Variants in MYLK observed in about 807,000 individuals in gnomAD.
MYLK encodes the protein myosin light chain kinase, smooth muscle.
MYLK carries 106 observed loss-of-function variants against 203.4 expected under a neutral mutation model. The observed-to-expected ratio is 0.52, with a 90% CI of 0.45 to 0.61. The LOEUF is 0.61. MYLK is among the 20% of genes least tolerant of loss of function. The probability of loss-of-function intolerance (pLI) is 0.00; values close to 1 mark genes in which losing one functional copy is unlikely to be tolerated. For missense variants in MYLK, 2,072 were observed against 2,442.3 expected (o/e 0.85, Z 3.20); for synonymous variants, 867 against 959.5 (o/e 0.90, Z 1.78).
chr3:123,883,273 C>T (rs2033658155), intron 1 of MYLK, among the ~76,000 whole-genome samples: 1 of 152,048 alleles, frequency 6.6e-6, no homozygotes, highest in African/African-American at 2.4e-5. Context: ...TAAAAACCAA[C>T]GGCCTGAGGT....
intron 31 of MYLK, chr3:123,623,542 A>G (rs556516609): frequency 1.8e-4 from 27 of 152,328 alleles, no homozygotes; most frequent in African/African-American, 6.5e-4. Flanking sequence ...ATTTGTTCCC[A>G]TGTCACTTCA....
intron 4 of MYLK, among the ~76,000 whole-genome samples, chr3:123,761,428 G>T (rs1218259103): frequency 6.6e-6 from 1 of 152,192 alleles, no homozygotes; most frequent in Non-Finnish European, 1.5e-5. Context: ...CCCAGGTGGC[G>T]GCTCTGAGGG....
At chr3:123,726,209 C>T in intron 11 of MYLK, 131 bp from the exon 12 acceptor site, 1 of 1,137,188 alleles carries the variant, frequency 8.8e-7, no homozygotes, top group Middle Eastern at 2.3e-4. Context: ...CTGCCTTTGG[C>T]TTCTCTCTCT....
At chr3:123,811,345 T>G (rs2065553424) in intron 3 of MYLK, among the ~76,000 whole-genome samples, 1 of 152,204 alleles carries the variant, frequency 6.6e-6, no homozygotes, top group Admixed American at 6.5e-5. Context: ...AGCTATTAGC[T>G]GCACTCATAC....
At chr3:123,684,169 C>T (rs114107773) in intron 19 of MYLK, among the ~76,000 whole-genome samples, 9,083 of 152,244 alleles carry the variant, frequency 0.06, 891 homozygotes, top group African/African-American at 0.2. Flanking sequence ...ATCTCAGCCT[C>T]AGCTGTATGT....
intron 1 of MYLK, among the ~76,000 whole-genome samples, chr3:123,879,183 T>C (rs73857541): frequency 2.7e-4 from 41 of 152,340 alleles, no homozygotes; most frequent in East Asian, 9.6e-4. Flanking sequence ...GGCCACCCAA[T>C]TGCCTCTTAA....
chr3:123,800,646 T>C (rs935029782), intron 3 of MYLK, among the ~76,000 whole-genome samples: 2 of 152,160 alleles, frequency 1.3e-5, no homozygotes, highest in Non-Finnish European at 2.9e-5. Context: ...CCAGACCTTT[T>C]CCTCCAGCAA....
At chr3:123,817,050 T>TAA (rs2065772985) in intron 3 of MYLK, among the ~76,000 whole-genome samples, 1 of 152,190 alleles carries the variant, frequency 6.6e-6, no homozygotes, top group South Asian at 2.1e-4. Flanking sequence ...ATTGGGTAAT[T>TAA]AAAGCTTCTT....
chr3:123,626,388 G>A (rs34044159), intron 31 of MYLK, among the ~76,000 whole-genome samples: 26,489 of 152,086 alleles, frequency 0.17, 5,511 homozygotes, highest in African/African-American at 0.47. Flanking sequence ...CTAGATGGTG[G>A]GACCATGTCT....
chr3:123,681,836 T>G (rs538053633), intron 20 of MYLK: 2 of 298,746 alleles, frequency 6.7e-6, no homozygotes, highest in Non-Finnish European at 1.3e-5. Context: ...CCAGGAGTGA[T>G]GAGATCAGAG....
At chr3:123,746,785 AT>A (rs1282046061) in intron 5 of MYLK, among the ~76,000 whole-genome samples, 6 of 132,162 alleles carry the variant, frequency 4.5e-5, no homozygotes, top group African/African-American at 1.6e-4. Flanking sequence ...AACTCAGAGC[AT>A]TTTAAGATTC....
chr3:123,678,027 A>C (rs2060135262), intron 20 of MYLK, among the ~76,000 whole-genome samples: 1 of 151,178 alleles, frequency 6.6e-6, no homozygotes, highest in Admixed American at 6.6e-5. Context: ...ACTAGCTGTG[A>C]GACCCTGGAC....
chr3:123,745,824 T>C (rs2062996072), intron 5 of MYLK, among the ~76,000 whole-genome samples: 1 of 152,158 alleles, frequency 6.6e-6, no homozygotes, highest in South Asian at 2.1e-4. Flanking sequence ...GAAAAACATT[T>C]AAAATACTTA....
rs1449454753 is a variant in MYLK at position 123,700,430 on chromosome 3, G to A, written c.3038C>T (p.Pro1013Leu). 2 of 1,611,378 alleles carry A rather than the reference G, an allele frequency of 1.2e-6. No homozygotes were observed. Among genetic ancestry groups the A allele is most frequent in the East Asian group, 2.2e-5 (1 of 44,718 alleles). ...CCCTGAAGGCTGTGCATTGCTCAGG[G>A]GCTTGGAACTCTCCACTGCCTTGGC... Reference protein sequence around the residue: ...LNAKAVESSKPLSNAQPSGPL... With the variant: ...LNAKAVESSKLLSNAQPSGPL... Residue 1013 changes from proline (P) to leucine (L), a missense_variant, in exon 18 of 34, where the codon CCC becomes CTC. Physicochemically the swap from Pro to Leu is moderately conservative, Grantham distance 98 (BLOSUM62 -3). Coordinates refer to ENST00000360304, the MANE Select transcript of MYLK (RefSeq NM_053025.4).
In MYLK at chr3:123,722,260, G is replaced by A. The variant is rs1272395846; in HGVS notation, c.1672C>T (p.Arg558Cys). 29 of 1,569,544 alleles carry A rather than the reference G, an allele frequency of 1.8e-5. No individual in the cohort carries two copies. Among genetic ancestry groups the A allele is most frequent in the Admixed American group, 7.4e-5 (4 of 53,958 alleles). ...LLNGQPIQYA[R>C]STCEAGVAEL... is the part of the protein sequence containing the mutation. ...GCCACGCCGGCCTCGCAGGTGGAGCGAGCGTACTGGATGGGCTGCCCTGTG... is the reference window on the plus strand; with the variant it reads ...GCCACGCCGGCCTCGCAGGTGGAGCAAGCGTACTGGATGGGCTGCCCTGTG... Residue 558 changes from arginine (R) to cysteine (C), a missense_variant, in exon 13 of 34, where the codon CGC (arginine) becomes TGC (cysteine). Arg to Cys is a radical substitution (Grantham distance 180, BLOSUM62 -3). Coordinates refer to ENST00000360304, the MANE Select transcript of MYLK (RefSeq NM_053025.4).
intron 4 of MYLK, among the ~76,000 whole-genome samples, chr3:123,767,365 G>T (rs1413902006): frequency 1.3e-5 from 2 of 152,220 alleles, no homozygotes; most frequent in Non-Finnish European, 2.9e-5. Context: ...CCAGCACTTT[G>T]GGAGGCCGAG....
At chr3:123,664,984 C>T (rs923919316) in intron 22 of MYLK, among the ~76,000 whole-genome samples, 2 of 152,096 alleles carry the variant, frequency 1.3e-5, no homozygotes, top group Non-Finnish European at 2.9e-5. Flanking sequence ...AGAGGAATGT[C>T]TGCTAATGGG....
chr3:123,786,522 G>A (rs1315737033), intron 4 of MYLK, among the ~76,000 whole-genome samples: 1 of 120,638 alleles, frequency 8.3e-6, no homozygotes, highest in Non-Finnish European at 1.7e-5. Context: ...GTGGGAGGGT[G>A]GGGGTGGGGG....
intron 2 of MYLK, among the ~76,000 whole-genome samples, chr3:123,869,814 C>G (rs939133296): frequency 6.6e-6 from 1 of 152,180 alleles, no homozygotes; most frequent in Non-Finnish European, 1.5e-5. Context: ...CTAATAAGTT[C>G]TTGAGCTGGG....
Sources: gnomAD v4.1 joint callset for allele counts (sites outside exome capture counted in the v4.1 genomes callset) on GRCh38, gnomAD v4.1.1 for gene constraint, MANE v1.5 for transcripts, NCBI Gene and HGNC (gene_info 2026-07-23, HGNC 2026-07-21) for gene names.